Variants in ZNF804A observed in about 807,000 individuals in gnomAD.
ZNF804A encodes the protein zinc finger protein 804A.
ZNF804A carries 2 observed loss-of-function variants against 16.5 expected under a neutral mutation model. The ratio of observed to expected loss-of-function variants is 0.12; its 90% CI spans 0.05 to 0.38. The LOEUF (loss-of-function observed/expected upper bound fraction) is 0.38. Ranked by LOEUF, ZNF804A falls within the 10% of genes least tolerant of loss-of-function variation. The pLI, the probability that ZNF804A is intolerant of heterozygous loss-of-function variation, is 0.99. For missense variants in ZNF804A, 1,473 were observed against 1,390.7 expected, an observed-to-expected ratio of 1.06 and a Z score of -0.94; for synonymous variants, 534 against 489.6, an observed-to-expected ratio of 1.09 and a Z score of -1.20.
chr2:184,805,535 G>T (rs184284233), intron 1 of ZNF804A, among the ~76,000 whole-genome samples: 1 of 152,078 alleles, frequency 6.6e-6, no homozygotes, highest in East Asian at 1.9e-4. Context: ...AAATATTTCA[G>T]AGCCTTCCTC....
At chr2:184,894,092 G>A (rs1020525881) in intron 2 of ZNF804A, among the ~76,000 whole-genome samples, 14 of 151,932 alleles carry the variant, frequency 9.2e-5, no homozygotes, top group African/African-American at 3.1e-4. Context: ...TTAATTACAA[G>A]AAGATCATGT....
At chr2:184,918,440 C>T (rs2105835483) in intron 2 of ZNF804A, among the ~76,000 whole-genome samples, 1 of 152,120 alleles carries the variant, frequency 6.6e-6, no homozygotes, top group African/African-American at 2.4e-5. Context: ...TGTGCCTGTC[C>T]CATGTTCACC....
At chr2:184,907,721 T>C (rs541961909) in intron 2 of ZNF804A, among the ~76,000 whole-genome samples, 3 of 152,168 alleles carry the variant, frequency 2.0e-5, no homozygotes, top group African/African-American at 7.2e-5. Flanking sequence ...ATGATAGAGA[T>C]TTAGGCTTGC....
intron 1 of ZNF804A, among the ~76,000 whole-genome samples, chr2:184,599,633 C>G (rs1182161798): frequency 6.6e-6 from 1 of 152,234 alleles, no homozygotes; most frequent in African/African-American, 2.4e-5. Flanking sequence ...ATGCTGTCCA[C>G]TTTCAGCTAT....
intron 2 of ZNF804A, among the ~76,000 whole-genome samples, chr2:184,888,219 TATG>T (rs1483951293): frequency 1.3e-5 from 2 of 152,228 alleles, no homozygotes; most frequent in Admixed American, 1.3e-4. Context: ...ATTATTTAAT[TATG>T]ATAATAAGCA....
chr2:184,855,483 T>C (rs1695671777), intron 1 of ZNF804A, among the ~76,000 whole-genome samples: 1 of 151,988 alleles, frequency 6.6e-6, no homozygotes, highest in South Asian at 2.1e-4. Context: ...ATAACTTTTA[T>C]AGCATGTACT....
intron 1 of ZNF804A, among the ~76,000 whole-genome samples, chr2:184,682,736 G>A (rs76397194): frequency 6.6e-6 from 1 of 152,126 alleles, no homozygotes; most frequent in Non-Finnish European, 1.5e-5. Flanking sequence ...TTCCACCCCC[G>A]GTAAGTTAGA....
chr2:184,864,880 T>TC (rs1170065966), intron 1 of ZNF804A, among the ~76,000 whole-genome samples: 7 of 144,262 alleles, frequency 4.9e-5, no homozygotes, highest in Non-Finnish European at 9.0e-5. Flanking sequence ...TTAGGATTTT[T>TC]TTTTTTTTTT....
In ZNF804A at chr2:184,933,736, G is replaced by A. The variant is rs762961366; in HGVS notation, c.386+3G>A. ...GAGCTAAGAAAGGAAACTGTATGGT[G>A]AGTATCCAATGAAATTGTAAGTTTT... On this transcript the variant is annotated splice_donor_region_variant and intron_variant, in intron 3 of 3. Transcript: ENST00000302277. 1.9e-6 allele frequency: 3 copies of A among 1,594,028 alleles called. No homozygotes were observed. The highest frequency in any genetic ancestry group is 1.4e-5 in the African/African-American group (1 of 73,362).
intron 1 of ZNF804A, among the ~76,000 whole-genome samples, chr2:184,639,213 A>G (rs535957104): frequency 6.6e-6 from 1 of 151,584 alleles, no homozygotes; most frequent in Non-Finnish European, 1.5e-5. Flanking sequence ...ACCTGGGATT[A>G]CAGGTGCCCA....
intron 1 of ZNF804A, among the ~76,000 whole-genome samples, chr2:184,840,824 C>T (rs902482060): frequency 1.3e-5 from 2 of 152,100 alleles, no homozygotes; most frequent in Non-Finnish European, 2.9e-5. Flanking sequence ...CCTTCTCTAA[C>T]CACTCTTTTC....
chr2:184,667,028 A>G (rs777933468), intron 1 of ZNF804A, among the ~76,000 whole-genome samples: 5 of 152,026 alleles, frequency 3.3e-5, no homozygotes, highest in Non-Finnish European at 7.4e-5. Context: ...GGGTATAGAA[A>G]GGCAAATAAT....
chr2:184,788,499 T>A (rs988182321), intron 1 of ZNF804A, among the ~76,000 whole-genome samples: 1 of 152,068 alleles, frequency 6.6e-6, no homozygotes, highest in Non-Finnish European at 1.5e-5. Context: ...GCTGGTGTTG[T>A]CTACAGTTTC....
intron 1 of ZNF804A, among the ~76,000 whole-genome samples, chr2:184,669,302 A>G (rs562100058): frequency 2.0e-5 from 3 of 152,202 alleles, no homozygotes; most frequent in East Asian, 1.9e-4. Flanking sequence ...AGTACTTCAT[A>G]CAAGTGAGAT....
At chr2:184,814,387 G>A (rs1694946987) in intron 1 of ZNF804A, among the ~76,000 whole-genome samples, 1 of 151,980 alleles carries the variant, frequency 6.6e-6, no homozygotes, top group Non-Finnish European at 1.5e-5. Context: ...AAGTTATTCA[G>A]ACGTCAGTTT....
intron 1 of ZNF804A, among the ~76,000 whole-genome samples, chr2:184,657,612 A>G (rs1692101771): frequency 6.6e-6 from 1 of 152,216 alleles, no homozygotes; most frequent in Admixed American, 6.5e-5. Flanking sequence ...GTATGTCAAG[A>G]AACCTGAGTA....
At chr2:184,777,452 T>C (rs2105771915) in intron 1 of ZNF804A, among the ~76,000 whole-genome samples, 1 of 151,728 alleles carries the variant, frequency 6.6e-6, no homozygotes, top group East Asian at 1.9e-4. Flanking sequence ...GTTTACATGA[T>C]ACGAGGAAGT....
At chr2:184,705,610 T>G (rs988871424) in intron 1 of ZNF804A, among the ~76,000 whole-genome samples, 6 of 152,108 alleles carry the variant, frequency 3.9e-5, no homozygotes, top group Non-Finnish European at 8.8e-5. Context: ...ATGGTACCTA[T>G]TTTTTTTCTT....
chr2:184,897,182 T>TG (rs1365526353), intron 2 of ZNF804A, among the ~76,000 whole-genome samples: 1 of 152,060 alleles, frequency 6.6e-6, no homozygotes, highest in East Asian at 1.9e-4. Context: ...GGCTATGTTT[T>TG]GGGGGGAAGA....
Sources: gnomAD v4.1 joint callset for allele counts (sites outside exome capture counted in the v4.1 genomes callset) on GRCh38, gnomAD v4.1.1 for gene constraint, MANE v1.5 for transcripts, NCBI Gene and HGNC (gene_info 2026-07-23, HGNC 2026-07-21) for gene names.